RBM6: variants seen among roughly 807,000 people sequenced by gnomAD.
RBM6 encodes RNA-binding protein 6.
In RBM6, 23 loss-of-function variants were observed where a neutral mutation model predicts 140.4. The observed-to-expected ratio is 0.16, with a 90% CI of 0.12 to 0.23. The LOEUF is 0.23. RBM6 is among the 10% of genes least tolerant of loss of function. The pLI, the probability that RBM6 is intolerant of heterozygous loss-of-function variation, is 1.00. For missense variants in RBM6, 1,139 were observed against 1,386.7 expected (o/e 0.82, Z 2.84); for synonymous variants, 439 against 475.6 (o/e 0.92, Z 1.00).
intron 7 of RBM6, among the ~76,000 whole-genome samples, chr3:50,051,926 G>A (rs2089483624): frequency 6.6e-6 from 1 of 152,202 alleles, no homozygotes; most frequent in Non-Finnish European, 1.5e-5. Flanking sequence ...ATGTCCCTAG[G>A]GGTAAGAATG....
intron 6 of RBM6, among the ~76,000 whole-genome samples, chr3:50,046,580 A>AG (rs1491150211): frequency 5.2e-4 from 77 of 147,462 alleles, no homozygotes; most frequent in African/African-American, 1.8e-3. Context: ...ACTCTGTCTC[A>AG]GGGAAAAAAA....
chr3:49,960,388 C>T (rs1175002668), intron 1 of RBM6, among the ~76,000 whole-genome samples: 4 of 152,170 alleles, frequency 2.6e-5, no homozygotes, highest in African/African-American at 9.7e-5. Context: ...AAATTTGGTT[C>T]AGACAGTTAC....
intron 6 of RBM6, among the ~76,000 whole-genome samples, chr3:50,032,365 T>C (rs1383383723): frequency 6.6e-6 from 1 of 151,304 alleles, no homozygotes; most frequent in Non-Finnish European, 1.5e-5. Flanking sequence ...GTGCCTGTAG[T>C]CCAAGCTACT....
rs2084775824 is a variant in RBM6 at position 49,971,236 on chromosome 3, C to T, written c.1324-823C>T. 2.4e-5 allele frequency among the ~76,000 whole-genome samples: 3 copies of T among 122,534 alleles called. No individual in the cohort carries two copies. The East Asian group carries it at 7.0e-4, about 29-fold the overall frequency. The allele number at this position is 122,534 out of a possible 152,430, so 80.4% of individuals were successfully genotyped here. ...AGGCAGAGGTTGCACTATTACACTC[C>T]AGCCTGGGCAGCAAGAGCGAAACTC... On this transcript the variant is annotated intron_variant, in intron 3 of 20. Transcript: ENST00000266022.
intron 6 of RBM6, among the ~76,000 whole-genome samples, chr3:50,031,422 G>T (rs1464114043): frequency 1.3e-5 from 2 of 152,188 alleles, no homozygotes; most frequent in African/African-American, 4.8e-5. Context: ...ATGAGTTCAT[G>T]TCCTTTGTAG....
chr3:49,999,152 C>T (rs2086214223), intron 5 of RBM6, among the ~76,000 whole-genome samples: 1 of 151,482 alleles, frequency 6.6e-6, no homozygotes, highest in African/African-American at 2.4e-5. Flanking sequence ...TGTGGGATTA[C>T]CCAATTCTGG....
chr3:50,062,226 C>G, intron 15 of RBM6, 118 bp downstream of exon 15: 2 of 1,255,936 alleles, frequency 1.6e-6, no homozygotes, highest in Non-Finnish European at 2.1e-6. Flanking sequence ...CTCTGTCAGC[C>G]GGGCGTGGTG....
intron 1 of RBM6, chr3:49,940,560 T>A (rs1216096504): frequency 6.4e-6 from 1 of 155,540 alleles, no homozygotes; most frequent in Non-Finnish European, 1.5e-5. Context: ...GTAAGCGGGC[T>A]GTTCTTGCGG....
intron 1 of RBM6, among the ~76,000 whole-genome samples, chr3:49,942,980 A>C (rs1210302450): frequency 6.6e-6 from 1 of 152,206 alleles, no homozygotes; most frequent in African/African-American, 2.4e-5. Flanking sequence ...TACTGCAAAT[A>C]CTAAATGGAA....
At chr3:49,947,932 A>G (rs2083564838) in intron 1 of RBM6, among the ~76,000 whole-genome samples, 1 of 152,188 alleles carries the variant, frequency 6.6e-6, no homozygotes, top group African/African-American at 2.4e-5. Flanking sequence ...CGTCTGTACT[A>G]AAAATACCAC....
chr3:49,971,190 T>TGGGAGGCAGAGGTTGCG (rs201175105), intron 3 of RBM6, among the ~76,000 whole-genome samples: 19,198 of 145,880 alleles, frequency 0.13, 1,620 homozygotes, highest in Non-Finnish European at 0.19. Flanking sequence ...CCCTTGAACC[T>TGGGAGGCAGAGGTTGCG]GGGAGGCAGA....
At chr3:50,001,416 C>T (rs2108741907) in intron 6 of RBM6, among the ~76,000 whole-genome samples, 1 of 152,272 alleles carries the variant, frequency 6.6e-6, no homozygotes, top group East Asian at 1.9e-4. Flanking sequence ...CACTCTGCTG[C>T]ACTCTAGCCT....
chr3:50,007,401 G>C (rs1047988914), intron 6 of RBM6, among the ~76,000 whole-genome samples: 2 of 151,804 alleles, frequency 1.3e-5, no homozygotes, highest in African/African-American at 4.8e-5. Flanking sequence ...TGCCCAGGCT[G>C]ATCTCGAACT....
chr3:49,974,632 A>G (rs1054004192), intron 4 of RBM6, among the ~76,000 whole-genome samples: 3 of 146,342 alleles, frequency 2.0e-5, no homozygotes, highest in Admixed American at 1.4e-4. Context: ...TCGGCCTCCC[A>G]AAGTGCTGGG....
In RBM6 at chr3:49,986,642, A is replaced by C. The variant is rs1378836065; in HGVS notation, c.1483+11250A>C. On this transcript the variant is annotated intron_variant, in intron 5 of 20. Transcript: ENST00000266022. Reference sequence around the variant, plus strand: ...AAAAAAAACCAAAACATTAAACCATACTCTCTAACTGTGAAGAAGTTGTGA... The same window carrying C: ...AAAAAAAACCAAAACATTAAACCATCCTCTCTAACTGTGAAGAAGTTGTGA... 2.0e-5 allele frequency among the ~76,000 whole-genome samples: 3 copies of C among 151,002 alleles called. No homozygotes were observed. In the East Asian group the frequency reaches 5.9e-4, roughly 30 times the overall value.
intron 6 of RBM6, among the ~76,000 whole-genome samples, chr3:50,028,242 A>G (rs1211477504): frequency 6.6e-6 from 1 of 151,982 alleles, no homozygotes; most frequent in Non-Finnish European, 1.5e-5. Flanking sequence ...TGAATAGCAT[A>G]TTTATTGTTT....
At chr3:50,045,647 A>C (rs1410459106) in intron 6 of RBM6, among the ~76,000 whole-genome samples, 1 of 152,142 alleles carries the variant, frequency 6.6e-6, no homozygotes, top group African/African-American at 2.4e-5. Flanking sequence ...GGGTGGTGGA[A>C]TATTCCTACC....
At chr3:49,988,786 A>G (rs558084952) in intron 5 of RBM6, among the ~76,000 whole-genome samples, 1 of 152,216 alleles carries the variant, frequency 6.6e-6, no homozygotes, top group African/African-American at 2.4e-5. Flanking sequence ...CCTGGGCAAC[A>G]TGGCAAAACC....
chr3:49,975,977 A>G (rs1400433383), intron 5 of RBM6, among the ~76,000 whole-genome samples: 1 of 152,206 alleles, frequency 6.6e-6, no homozygotes, highest in Non-Finnish European at 1.5e-5. Context: ...TCACAGTACC[A>G]ATTTCAGTCA....
Sources: allele counts gnomAD v4.1 joint callset (sites outside exome capture counted in the v4.1 genomes callset), GRCh38; gene constraint gnomAD v4.1.1; transcripts MANE v1.5; gene names NCBI Gene and HGNC (gene_info 2026-07-23, HGNC 2026-07-21).